The following C2CD5 variants were observed in gnomAD, a reference collection of about 807,000 sequenced individuals.
C2CD5 encodes C2 domain-containing protein 5.
Under a neutral mutation model 130.3 loss-of-function variants are expected in C2CD5, and 109 were observed. The ratio of observed to expected loss-of-function variants is 0.84; its 90% confidence interval spans 0.72 to 0.98. The LOEUF is 0.98. Among genes scored for constraint, C2CD5 ranks in the 50% least tolerant of loss-of-function variants. The pLI, the probability that C2CD5 is intolerant of heterozygous loss-of-function variation, is 0.00. For missense variants in C2CD5, 996 were observed against 1,261.8 expected (o/e 0.79, Z 3.19); for synonymous variants, 454 against 429.2 (o/e 1.06, Z -0.71).
intron 8 of C2CD5, among the ~76,000 whole-genome samples, chr12:22,514,328 T>C (rs1050317224): frequency 1.3e-5 from 2 of 152,210 alleles, no homozygotes; most frequent in South Asian, 2.1e-4. Context: ...AGCATATGTA[T>C]AGTCCCATTC....
intron 2 of C2CD5, among the ~76,000 whole-genome samples, chr12:22,539,211 C>T (rs1952108704): frequency 6.6e-6 from 1 of 152,090 alleles, no homozygotes; most frequent in African/African-American, 2.4e-5. Flanking sequence ...TTGTCACAAC[C>T]CCCATGTTGT....
intron 12 of C2CD5, among the ~76,000 whole-genome samples, chr12:22,488,400 A>G (rs534353769): frequency 2.3e-4 from 35 of 152,164 alleles, no homozygotes; most frequent in African/African-American, 8.4e-4. Flanking sequence ...AATAATTTTT[A>G]TAGCAGAAAG....
intron 14 of C2CD5, among the ~76,000 whole-genome samples, chr12:22,481,300 A>G (rs1944670225): frequency 6.6e-6 from 1 of 152,204 alleles, no homozygotes; most frequent in Admixed American, 6.5e-5. Flanking sequence ...TAGAGACAAA[A>G]AAGTCCAATT....
chr12:22,478,424 A>T lies in C2CD5; in HGVS notation c.1791T>A (p.Ile597=). ...AALPTPGGIQ[I]AGKTPNDGSY... ...AGCCATCATTAGGAGTCTTCCCAGC[A>T]ATCTGAATACCACCAGGAGTTGGTA... is the stretch of plus-strand genomic sequence containing the variant. Residue 597 remains isoleucine, a synonymous_variant, in exon 15 of 27, where the codon ATT becomes ATA. Coordinates refer to ENST00000446597, the MANE Select transcript of C2CD5 (RefSeq NM_001286176.2). The T allele has an allele frequency of 6.2e-7, 1 of 1,613,764 alleles. No homozygotes were observed. The highest frequency in any genetic ancestry group is 8.5e-7 in the Non-Finnish European group (1 of 1,179,708).
intron 15 of C2CD5, among the ~76,000 whole-genome samples, chr12:22,477,546 T>G (rs985956250): frequency 1.3e-5 from 2 of 152,166 alleles, no homozygotes; most frequent in African/African-American, 4.8e-5. Context: ...AGTTTTAGGG[T>G]ACATGTGCAC....
At chr12:22,505,326 C>T (rs1430247169) in intron 10 of C2CD5, among the ~76,000 whole-genome samples, 2 of 144,890 alleles carry the variant, frequency 1.4e-5, no homozygotes, top group Admixed American at 7.1e-5. Context: ...GGCACAATCT[C>T]GGCTCACTGC....
chr12:22,517,900 G>T (rs1449065559), intron 8 of C2CD5, 86 bp downstream of exon 8: 15 of 1,146,826 alleles, frequency 1.3e-5, no homozygotes, highest in Middle Eastern at 2.8e-4. Flanking sequence ...CCAAAAACAA[G>T]AGGAAAGATT....
At position 22,524,647 on chromosome 12, in the gene C2CD5, T is replaced by C; in HGVS notation, c.446-20A>G. On this transcript the variant is annotated intron_variant, in intron 5 of 26. Coordinates refer to ENST00000446597, the MANE Select transcript of C2CD5 (RefSeq NM_001286176.2). ...ACGTTGCTGTTAAAACAAATTATTA[T>C]GCTTCTGTTTATCAAAAGGTAAAAC... is the stretch of plus-strand genomic sequence containing the variant. 2 of 1,590,112 alleles carry C rather than the reference T, an allele frequency of 1.3e-6. No homozygotes were observed. The highest frequency in any genetic ancestry group is 2.2e-5 in the East Asian group (1 of 44,676).
At chr12:22,510,209 GAA>G (rs797006141) in intron 9 of C2CD5, among the ~76,000 whole-genome samples, 2 of 144,136 alleles carry the variant, frequency 1.4e-5, no homozygotes, top group African/African-American at 2.5e-5. Context: ...TCATCTCAAT[GAA>G]AAAAAAAAAG....
intron 2 of C2CD5, among the ~76,000 whole-genome samples, chr12:22,538,189 C>T (rs1952002537): frequency 6.6e-6 from 1 of 152,180 alleles, no homozygotes; most frequent in Non-Finnish European, 1.5e-5. Context: ...TAAAAGTCAA[C>T]TGTTTAGTCA....
intron 18 of C2CD5, 62 bp from the exon 19 acceptor site, chr12:22,472,127 A>G: frequency 9.6e-7 from 1 of 1,043,770 alleles, no homozygotes; most frequent in Admixed American, 2.0e-5. Flanking sequence ...TTAACAGTTG[A>G]TAAATTGCCA....
chr12:22,541,570 C>T (rs1419964822), intron 2 of C2CD5, among the ~76,000 whole-genome samples: 1 of 152,182 alleles, frequency 6.6e-6, no homozygotes, highest in Non-Finnish European at 1.5e-5. Context: ...TCTTAAAACA[C>T]ACCAAATCTC....
intron 23 of C2CD5, 60 bp from the exon 24 acceptor site, chr12:22,458,645 C>T (rs1438162941): frequency 1.6e-6 from 1 of 623,092 alleles, no homozygotes; most frequent in Non-Finnish European, 2.3e-6. Flanking sequence ...GATGATGTCT[C>T]TTACTCGTCT....
chr12:22,511,909 T>C (rs535315319), intron 9 of C2CD5, among the ~76,000 whole-genome samples: 95 of 152,200 alleles, frequency 6.2e-4, no homozygotes, highest in Admixed American at 1.4e-3. Context: ...AACATAATAA[T>C]GGGACAGGGA....
At chr12:22,523,699 T>TA (rs377557729) in intron 6 of C2CD5, 75 bp from the exon 7 acceptor site, 36,868 of 749,962 alleles carry the variant, frequency 0.049, 203 homozygotes, top group Middle Eastern at 0.085. Context: ...ATGGTAGTGG[T>TA]AAAAAAAAAA....
chr12:22,480,655 T>C (rs931091177), intron 14 of C2CD5, among the ~76,000 whole-genome samples: 4 of 152,160 alleles, frequency 2.6e-5, no homozygotes, highest in East Asian at 3.8e-4. Context: ...CAGCTCTTAA[T>C]TGACATGCAT....
chr12:22,449,861 C>T lies in C2CD5; in HGVS notation c.3055G>A (p.Ala1019Thr), dbSNP rs759062171. The T allele has an allele frequency of 8.1e-6, 13 of 1,610,062 alleles. No homozygotes were observed. Among genetic ancestry groups the T allele is most frequent in the African/African-American group, 1.3e-5 (1 of 74,764 alleles). ...TCAGATTCACGAACAAAAACCACTG[C>T]ATCACCACTTACATTTATAAGACAC... ...AQCLINVSGD[A>T]VVFVRESDLE... The change falls in exon 27 of 27, where the codon GCA becomes ACA. Residue 1019 changes from alanine (A) to threonine (T), a missense_variant. Around this residue, in one of 9 missense-constraint regions of C2CD5, gnomAD observed 48 missense variants for 46.4 expected, o/e 1.03. Coordinates refer to ENST00000446597, the MANE Select transcript of C2CD5 (RefSeq NM_001286176.2).
chr12:22,479,350 G>A (rs1227138901), intron 14 of C2CD5, among the ~76,000 whole-genome samples: 19 of 151,558 alleles, frequency 1.3e-4, no homozygotes, highest in Admixed American at 9.9e-4. Context: ...CTGGGATTAC[G>A]GGCCTGAGTC....
At chr12:22,459,439 C>T (rs1235172610) in intron 23 of C2CD5, 53 bp downstream of exon 23, 1 of 1,197,714 alleles carries the variant, frequency 8.3e-7, no homozygotes, top group Non-Finnish European at 1.2e-6. Context: ...TATGCACCAC[C>T]AAACTAGAAT....
Sources: gnomAD v4.1 joint callset for allele counts (sites outside exome capture counted in the v4.1 genomes callset) on GRCh38, gnomAD v4.1.1 for gene constraint, gnomAD v4.1.1 regional missense constraint, MANE v1.5 for transcripts, NCBI Gene and HGNC (gene_info 2026-07-23, HGNC 2026-07-21) for gene names.